The following CCDC174 variants were observed in gnomAD, a reference collection of about 807,000 sequenced individuals.
CCDC174 encodes coiled-coil domain-containing protein 174.
Under a neutral mutation model 57.1 loss-of-function variants are expected in CCDC174, and 37 were observed. The observed-to-expected ratio is 0.65, with a 90% CI of 0.50 to 0.85. The LOEUF is 0.85. Ranked by LOEUF, CCDC174 falls within the 40% of genes least tolerant of loss-of-function variation. CCDC174 has a pLI of 0.00. For missense variants in CCDC174, 540 were observed against 574.3 expected (o/e 0.94, Z 0.61); for synonymous variants, 182 against 190.2 (o/e 0.96, Z 0.35).
rs561149350 is a variant in CCDC174 at position 14,671,797 on chromosome 3, C to T, written c.*603C>T. On this transcript the variant is annotated 3_prime_UTR_variant, in exon 11 of 11. Coordinates refer to ENST00000383794, the MANE Select transcript of CCDC174 (RefSeq NM_016474.5). ...TTTTACTGTCATACCATGCTATTAC[C>T]TACACTCCTGTGTGCAGTGGGCATT... is the stretch of plus-strand genomic sequence containing the variant. 3 of 152,900 alleles carry T rather than the reference C, an allele frequency of 2.0e-5. No homozygotes were observed. The highest frequency in any genetic ancestry group is 4.1e-4 in the South Asian group (2 of 4,838). The allele number at this position is 152,900 out of a possible 1,614,324, so 9.5% of individuals were successfully genotyped here. A position where few individuals can be genotyped will look rare whatever the true frequency, so the allele number is the denominator to read the frequency against.
chr3:14,666,324 TA>T (rs2031337468), intron 6 of CCDC174, among the ~76,000 whole-genome samples: 1 of 151,730 alleles, frequency 6.6e-6, no homozygotes, highest in Non-Finnish European at 1.5e-5. Context: ...GGTGCTTGAG[TA>T]AGAAGGGTGA....
intron 4 of CCDC174, among the ~76,000 whole-genome samples, chr3:14,660,083 G>A (rs933515040): frequency 3.9e-5 from 6 of 152,256 alleles, no homozygotes; most frequent in Non-Finnish European, 7.3e-5. Flanking sequence ...GCTAGGTACT[G>A]TGGGAGAGGT....
chr3:14,670,135 A>G, intron 10 of CCDC174, 49 bp downstream of exon 10: 1 of 1,562,102 alleles, frequency 6.4e-7, no homozygotes, highest in Non-Finnish European at 8.6e-7. Flanking sequence ...TGAATGGAAA[A>G]TGGTTTTTTT....
At chr3:14,661,103 A>T (rs771876542) in intron 4 of CCDC174, among the ~76,000 whole-genome samples, 3 of 152,226 alleles carry the variant, frequency 2.0e-5, no homozygotes, top group African/African-American at 4.8e-5. Context: ...CAGCAGTATA[A>T]TCAGGGTTAG....
At position 14,670,878 on chromosome 3, in the gene CCDC174, C is replaced by T; in HGVS notation, c.1106-18C>T. 1 of 1,572,952 alleles carries T rather than the reference C, an allele frequency of 6.4e-7. No homozygotes were observed. Among genetic ancestry groups the T allele is most frequent in the South Asian group, 1.2e-5 (1 of 86,616 alleles). ...TTCGTTAATCAGTTCTAATAACTTT[C>T]TTTCTTATTTTTACCAGAATTTTCC... On this transcript the variant is annotated intron_variant, in intron 10 of 10. Coordinates refer to ENST00000383794, the MANE Select transcript of CCDC174 (RefSeq NM_016474.5).
chr3:14,651,814 G>A lies in CCDC174; in HGVS notation c.-23G>A. 2 of 1,613,850 alleles carry A rather than the reference G, an allele frequency of 1.2e-6. No individual in the cohort carries two copies. The highest frequency in any genetic ancestry group is 1.7e-6 in the Non-Finnish European group (2 of 1,179,770). ...TGTCGGGTAGAAAGGGTCCTTCCTG[G>A]ACCGGGACCCTCTGCCACGACCATG... On this transcript the variant is annotated 5_prime_UTR_variant, in exon 1 of 11. Transcript: ENST00000383794.
chr3:14,655,262 G>A (rs2030911316), intron 2 of CCDC174, among the ~76,000 whole-genome samples: 1 of 151,862 alleles, frequency 6.6e-6, no homozygotes. Context: ...AGTGAGCTGA[G>A]ATCGCACCAC....
At chr3:14,656,076 C>T (rs1278397204) in intron 3 of CCDC174, among the ~76,000 whole-genome samples, 4 of 152,154 alleles carry the variant, frequency 2.6e-5, no homozygotes, top group East Asian at 1.9e-4. Flanking sequence ...CACACACACA[C>T]GCGTGTGTAG....
At chr3:14,658,110 A>G (rs1282928459) in intron 3 of CCDC174, among the ~76,000 whole-genome samples, 1 of 152,176 alleles carries the variant, frequency 6.6e-6, no homozygotes, top group Non-Finnish European at 1.5e-5. Flanking sequence ...TTCCCCTCAC[A>G]GCTCTTCTCA....
chr3:14,667,281 C>G (rs192897587), intron 7 of CCDC174, 143 bp from the exon 8 acceptor site: 2 of 698,554 alleles, frequency 2.9e-6, no homozygotes, highest in Admixed American at 5.8e-5. Context: ...TTTTTTGTTT[C>G]TTCGCTTAGC....
At chr3:14,662,727 C>G (rs959263918) in intron 5 of CCDC174, among the ~76,000 whole-genome samples, 4 of 152,160 alleles carry the variant, frequency 2.6e-5, no homozygotes, top group African/African-American at 9.7e-5. Flanking sequence ...AGGAACTGCT[C>G]AGGACTCTTT....
At chr3:14,667,363 C>G in intron 7 of CCDC174, 61 bp from the exon 8 acceptor site, 1 of 1,260,204 alleles carries the variant, frequency 7.9e-7, no homozygotes, top group Non-Finnish European at 1.2e-6. Flanking sequence ...GGAAATGTGG[C>G]TTGAGTGTAG....
intron 4 of CCDC174, among the ~76,000 whole-genome samples, chr3:14,659,366 A>AT (rs1435718995): frequency 6.6e-6 from 1 of 151,700 alleles, no homozygotes; most frequent in Non-Finnish European, 1.5e-5. Context: ...TCTATTTTCA[A>AT]TTTTTTTTCT....
Position 14,655,556 on chromosome 3 carries a change from G to A in CCDC174, c.175G>A (p.Val59Ile), listed in dbSNP as rs1473955901. 1.9e-6 allele frequency: 3 copies of A among 1,610,550 alleles called. No homozygotes were observed. Among genetic ancestry groups the A allele is most frequent in the African/African-American group, 1.3e-5 (1 of 74,626 alleles). The change falls in exon 3 of 11, where the codon GTA becomes ATA. Residue 59 changes from valine to isoleucine, a missense_variant. Coordinates refer to ENST00000383794, the MANE Select transcript of CCDC174 (RefSeq NM_016474.5). The stretch of plus-strand genomic sequence containing the variant: ...ACCAAGTATCTGGAGCAAACAGAAT[G>A]TAGGCGTTTCAAATCGAGCTGAGAA... ...KKPSIWSKQN[V>I]GVSNRAEKDA...
Position 14,670,896 on chromosome 3 carries a change from A to G in CCDC174, c.1106A>G (p.Glu369Gly), listed in dbSNP as rs771619585. Residue 369 changes from glutamate (E) to glycine (G), a missense_variant and splice_region_variant, in exon 11 of 11, where the codon GAA becomes GGA. Physicochemically the swap from Glu to Gly is moderately conservative, Grantham distance 98. Coordinates refer to ENST00000383794, the MANE Select transcript of CCDC174 (RefSeq NM_016474.5). Reference protein sequence around the residue: ...PHIREWDRGKEFSFGYWSKRQ... With the variant: ...PHIREWDRGKGFSFGYWSKRQ... The stretch of plus-strand genomic sequence containing the variant: ...TAACTTTCTTTCTTATTTTTACCAG[A>G]ATTTTCCTTTGGATACTGGTCGAAG... The G allele has an allele frequency of 3.1e-6, 5 of 1,590,778 alleles. No individual in the cohort carries two copies. The Middle Eastern group carries it at 6.7e-4, about 214-fold the overall frequency.
intron 2 of CCDC174, 88 bp from the exon 3 acceptor site, chr3:14,655,441 C>A: frequency 1.3e-6 from 1 of 762,716 alleles, no homozygotes; most frequent in South Asian, 1.8e-5. Flanking sequence ...AACTCATGAT[C>A]TCCTTTGTTT....
In CCDC174 at chr3:14,667,223, C is replaced by T. The variant is rs932207870; in HGVS notation, c.725-201C>T. 9.4e-5 allele frequency: 58 copies of T among 619,960 alleles called. No homozygotes were observed. The African/African-American group carries it at 9.9e-4, about 11-fold the overall frequency. 38.4% of individuals were successfully genotyped at this position (619,960 alleles called of 1,614,324 possible). On this transcript the variant is annotated intron_variant, in intron 7 of 10. Coordinates refer to ENST00000383794, the MANE Select transcript of CCDC174 (RefSeq NM_016474.5). ...AGCAAACGAACCCTTGTTATGCTTCCCTTGGCAAACAGGACGAAAACTTGG... is the reference window on the plus strand; with the variant it reads ...AGCAAACGAACCCTTGTTATGCTTCTCTTGGCAAACAGGACGAAAACTTGG...
Position 14,651,833 on chromosome 3 carries a change from G to T in CCDC174, c.-4G>T. 6.2e-7 allele frequency: 1 copy of T among 1,614,012 alleles called. No homozygotes were observed. Among genetic ancestry groups the T allele is most frequent in the Non-Finnish European group, 8.5e-7 (1 of 1,179,982 alleles). On this transcript the variant is annotated 5_prime_UTR_variant, in exon 1 of 11. Transcript: ENST00000383794. Reference sequence around the variant, plus strand: ...TTCCTGGACCGGGACCCTCTGCCACGACCATGGACCGTAGGAAAAAGCCTT... The same window carrying T: ...TTCCTGGACCGGGACCCTCTGCCACTACCATGGACCGTAGGAAAAAGCCTT...
intron 5 of CCDC174, among the ~76,000 whole-genome samples, chr3:14,662,650 T>C (rs1253362030): frequency 6.6e-6 from 1 of 152,214 alleles, no homozygotes; most frequent in African/African-American, 2.4e-5. Context: ...ACCCATCCTC[T>C]TGCCTTTGGG....
Sources: allele counts gnomAD v4.1 joint callset (sites outside exome capture counted in the v4.1 genomes callset), GRCh38; gene constraint gnomAD v4.1.1; transcripts MANE v1.5; gene names NCBI Gene and HGNC (gene_info 2026-07-23, HGNC 2026-07-21).